The following ZBTB7C variants were observed in gnomAD, a reference collection of about 807,000 sequenced individuals.
ZBTB7C encodes the protein zinc finger and BTB domain-containing protein 7C.
In ZBTB7C, 8 loss-of-function variants were observed where a neutral mutation model predicts 25.7. The ratio of observed to expected loss-of-function variants is 0.31; its 90% CI spans 0.18 to 0.56. The LOEUF is 0.56. Among genes scored for constraint, ZBTB7C ranks in the 20% least tolerant of loss-of-function variants. ZBTB7C has a pLI of 0.91. For missense variants in ZBTB7C, 824 were observed against 855.2 expected (o/e 0.96, Z 0.46); for synonymous variants, 394 against 369.0 (o/e 1.07, Z -0.78).
intron 3 of ZBTB7C, among the ~76,000 whole-genome samples, chr18:48,142,370 G>A (rs1598960607): frequency 6.6e-6 from 1 of 152,186 alleles, no homozygotes; most frequent in Admixed American, 6.5e-5. Flanking sequence ...CTTGTCTGGG[G>A]CCCTCAGGAA....
At chr18:48,089,812 C>G (rs542511270) in intron 3 of ZBTB7C, among the ~76,000 whole-genome samples, 4 of 152,164 alleles carry the variant, frequency 2.6e-5, no homozygotes, top group African/African-American at 9.7e-5. Context: ...AACAAACAAA[C>G]AAACTGGCTG....
chr18:48,104,600 T>G (rs553754047), intron 3 of ZBTB7C, among the ~76,000 whole-genome samples: 3 of 152,330 alleles, frequency 2.0e-5, no homozygotes, highest in East Asian at 3.9e-4. Context: ...TCCCAGCCAG[T>G]GCCTGGCATG....
intron 2 of ZBTB7C, among the ~76,000 whole-genome samples, chr18:48,209,758 A>AC (rs1396088210): frequency 4.4e-5 from 5 of 113,116 alleles, no homozygotes; most frequent in Non-Finnish European, 1.1e-4. Context: ...TTGTCTCTTA[A>AC]AAAAAAAAAA....
intron 3 of ZBTB7C, among the ~76,000 whole-genome samples, chr18:48,082,872 A>T (rs1225853500): frequency 6.6e-6 from 1 of 152,162 alleles, no homozygotes; most frequent in African/African-American, 2.4e-5. Flanking sequence ...CTGATGTGGG[A>T]AACTGCTGGG....
chr18:48,043,121 A>G (rs2036323837), intron 3 of ZBTB7C, among the ~76,000 whole-genome samples: 1 of 152,210 alleles, frequency 6.6e-6, no homozygotes, highest in African/African-American at 2.4e-5. Context: ...GAAAAGGATC[A>G]CTCGTATATT....
chr18:48,072,496 C>T (rs2037585524), intron 3 of ZBTB7C: 1 of 152,176 alleles, frequency 6.6e-6, no homozygotes, highest in African/African-American at 2.4e-5. Flanking sequence ...TTCCCATGTC[C>T]CACTCCTGAA....
intron 3 of ZBTB7C, chr18:48,149,229 T>TGC (rs2040598829): frequency 6.6e-6 from 1 of 152,530 alleles, no homozygotes; most frequent in African/African-American, 2.4e-5. Flanking sequence ...TGCATGCTCA[T>TGC]GTGGTTGTAA....
At chr18:48,250,746 T>C (rs1193636297) in intron 2 of ZBTB7C, among the ~76,000 whole-genome samples, 1 of 152,022 alleles carries the variant, frequency 6.6e-6, no homozygotes, top group Non-Finnish European at 1.5e-5. Flanking sequence ...CTCAGCTGAC[T>C]GTCAGTCAGG....
chr18:48,109,380 T>C (rs1261114299), intron 3 of ZBTB7C, among the ~76,000 whole-genome samples: 8 of 152,186 alleles, frequency 5.3e-5, no homozygotes, highest in Non-Finnish European at 1.0e-4. Context: ...ACTTCTGCCC[T>C]TTCCCTTTCA....
chr18:48,367,293 T>C (rs1453637498), intron 1 of ZBTB7C, among the ~76,000 whole-genome samples: 3 of 137,838 alleles, frequency 2.2e-5, no homozygotes, highest in Admixed American at 7.3e-5. Flanking sequence ...AATATGTATC[T>C]ATACATATAT....
chr18:48,068,316 T>A (rs2037410919), intron 3 of ZBTB7C, among the ~76,000 whole-genome samples: 2 of 151,876 alleles, frequency 1.3e-5, no homozygotes. Context: ...ATTTTTGGTA[T>A]TTTTATTAGA....
chr18:48,339,849 G>A (rs189932479), intron 1 of ZBTB7C, among the ~76,000 whole-genome samples: 23 of 152,202 alleles, frequency 1.5e-4, no homozygotes, highest in Non-Finnish European at 2.1e-4. Context: ...TAACAGGAGC[G>A]GCTCAGGCAC....
intron 3 of ZBTB7C, among the ~76,000 whole-genome samples, chr18:48,092,269 A>G (rs1434074329): frequency 6.6e-6 from 1 of 152,224 alleles, no homozygotes; most frequent in African/African-American, 2.4e-5. Context: ...TGAACCCTGG[A>G]GGCTACCAGC....
intron 2 of ZBTB7C, among the ~76,000 whole-genome samples, chr18:48,330,714 T>A (rs565319537): frequency 1.3e-5 from 2 of 149,838 alleles, no homozygotes; most frequent in African/African-American, 4.9e-5. Flanking sequence ...GGATGAGTAA[T>A]CCCAGCCTTG....
At chr18:48,091,165 C>T (rs1271432496) in intron 3 of ZBTB7C, among the ~76,000 whole-genome samples, 1 of 150,722 alleles carries the variant, frequency 6.6e-6, no homozygotes, top group Non-Finnish European at 1.5e-5. Context: ...CCTCAAACTC[C>T]TGGGCTCAAA....
intron 2 of ZBTB7C, among the ~76,000 whole-genome samples, chr18:48,301,458 G>A (rs569878943): frequency 3.9e-5 from 6 of 152,246 alleles, no homozygotes; most frequent in East Asian, 1.9e-4. Flanking sequence ...CAGCCTGGGC[G>A]ACAGAGTGAG....
intron 3 of ZBTB7C, among the ~76,000 whole-genome samples, chr18:48,058,566 G>A (rs2037006511): frequency 1.3e-5 from 2 of 152,198 alleles, no homozygotes; most frequent in African/African-American, 2.4e-5. Context: ...TTGTGAGTCA[G>A]TTTCACTTCT....
chr18:48,104,609 T>C (rs1399419310), intron 3 of ZBTB7C, among the ~76,000 whole-genome samples: 2 of 152,202 alleles, frequency 1.3e-5, no homozygotes, highest in African/African-American at 2.4e-5. Flanking sequence ...GTGCCTGGCA[T>C]GTAAAAGGCA....
chr18:48,179,765 G>A (rs72922164), intron 3 of ZBTB7C, among the ~76,000 whole-genome samples: 11,047 of 135,134 alleles, frequency 0.082, 513 homozygotes, highest in African/African-American at 0.12. Context: ...TTCACTGCAA[G>A]GAAGATATTT....
Sources: allele counts gnomAD v4.1 joint callset (sites outside exome capture counted in the v4.1 genomes callset), GRCh38; gene constraint gnomAD v4.1.1; transcripts MANE v1.5; gene names NCBI Gene and HGNC (gene_info 2026-07-23, HGNC 2026-07-21).